FAM117B: variants seen among roughly 807,000 people sequenced by gnomAD.
The protein encoded by FAM117B is protein FAM117B.
FAM117B carries 22 observed loss-of-function variants against 52.8 expected under a neutral mutation model. That is an observed-to-expected ratio of 0.42 (90% CI 0.30 to 0.59). The LOEUF is 0.59. Ranked by LOEUF, FAM117B falls within the 20% of genes least tolerant of loss-of-function variation. The probability of loss-of-function intolerance (pLI) is 0.22; values close to 1 mark genes in which losing one functional copy is unlikely to be tolerated. For missense variants in FAM117B, 678 were observed against 802.6 expected, an observed-to-expected ratio of 0.84 and a Z score of 1.88; for synonymous variants, 309 against 324.1, an observed-to-expected ratio of 0.95 and a Z score of 0.50.
Position 202,765,536 on chromosome 2 carries a change from C to T in FAM117B, c.1542C>T (p.Leu514=), listed in dbSNP as rs938931875. Residue 514 remains leucine (L), a synonymous_variant, in exon 8 of 8, where the codon CTC becomes CTT. Coordinates refer to ENST00000392238, the MANE Select transcript of FAM117B (RefSeq NM_173511.4). Reference sequence around the variant, plus strand: ...CTAAAAGTGGATCTGCTTTCTGCCTCGTCAGCATCCTCAAGCCACTCCTTC... The same window carrying T: ...CTAAAAGTGGATCTGCTTTCTGCCTTGTCAGCATCCTCAAGCCACTCCTTC... ...FIPKSGSAFC[L]VSILKPLLPT... 2.5e-6 allele frequency: 4 copies of T among 1,614,098 alleles called. No individual in the cohort carries two copies. Among genetic ancestry groups the T allele is most frequent in the Middle Eastern group, 1.6e-4 (1 of 6,062 alleles).
chr2:202,730,346 G>A lies in FAM117B; in HGVS notation c.960+3983G>A, dbSNP rs1003049957. The stretch of plus-strand genomic sequence containing the variant: ...ATATTTGAGAAAAATAGAGATGAAA[G>A]TTAAGGATGATGTCAATTTTAACTT... On this transcript the variant is annotated intron_variant, in intron 4 of 7. Transcript: ENST00000392238. 3.9e-5 allele frequency among the ~76,000 whole-genome samples: 6 copies of A among 152,086 alleles called. No individual in the cohort carries two copies. In the East Asian group the frequency reaches 9.6e-4, roughly 24 times the overall value.
In FAM117B at chr2:202,673,893, A is replaced by T. The variant is rs59286724; in HGVS notation, c.602-21988A>T. Among the ~76,000 whole-genome samples, 703 of 152,280 alleles carry T rather than the reference A, an allele frequency of 4.6e-3. 5 individuals carry two copies. The highest frequency in any genetic ancestry group is 0.016 in the African/African-American group (678 of 41,552). On this transcript the variant is annotated intron_variant, in intron 1 of 7. Coordinates refer to ENST00000392238, the MANE Select transcript of FAM117B (RefSeq NM_173511.4). ...GATGACTTTATTGAAATGGCTCTTG[A>T]ACGAGGTTACAGTGTCTTCTACATG...
intron 1 of FAM117B, among the ~76,000 whole-genome samples, chr2:202,682,140 C>T (rs1371953992): frequency 6.6e-6 from 1 of 152,202 alleles, no homozygotes; most frequent in Non-Finnish European, 1.5e-5. Flanking sequence ...ACACTGAGAG[C>T]CACTTTCATC....
chr2:202,676,375 G>GTTTTTTTTTTTTTT (rs71030983), intron 1 of FAM117B, among the ~76,000 whole-genome samples: 1 of 130,936 alleles, frequency 7.6e-6, no homozygotes. Flanking sequence ...AATATTCCTT[G>GTTTTTTTTTTTTTT]TTTTTTTTTT....
intron 1 of FAM117B, among the ~76,000 whole-genome samples, chr2:202,668,677 G>A (rs1257313797): frequency 2.0e-5 from 3 of 151,528 alleles, no homozygotes; most frequent in Non-Finnish European, 2.9e-5. Flanking sequence ...TTTCTAAAGT[G>A]TGGTATAGGA....
intron 7 of FAM117B, among the ~76,000 whole-genome samples, chr2:202,760,341 G>A (rs550453331): frequency 6.6e-6 from 1 of 152,340 alleles, no homozygotes; most frequent in South Asian, 2.1e-4. Flanking sequence ...AGCAGCGTGG[G>A]AAGGCTAGGT....
chr2:202,745,561 T>C (rs2105795241), intron 4 of FAM117B, among the ~76,000 whole-genome samples: 1 of 151,944 alleles, frequency 6.6e-6, no homozygotes, highest in Admixed American at 6.6e-5. Context: ...TACAAAACAA[T>C]CAAAAAAACA....
At chr2:202,660,745 T>C (rs992549537) in intron 1 of FAM117B, among the ~76,000 whole-genome samples, 4 of 152,214 alleles carry the variant, frequency 2.6e-5, no homozygotes, top group Non-Finnish European at 4.4e-5. Context: ...TAGACCAAGA[T>C]GGTGACAGAG....
intron 2 of FAM117B, among the ~76,000 whole-genome samples, chr2:202,709,864 C>T (rs1690932094): frequency 6.6e-6 from 1 of 152,120 alleles, no homozygotes; most frequent in East Asian, 1.9e-4. Context: ...TGAGGATATT[C>T]AGTTTCCCCA....
intron 4 of FAM117B, among the ~76,000 whole-genome samples, chr2:202,736,059 G>A (rs1691433937): frequency 6.6e-6 from 1 of 152,142 alleles, no homozygotes; most frequent in African/African-American, 2.4e-5. Flanking sequence ...AGCCTAGGAG[G>A]GTTTGAGAGC....
At chr2:202,669,646 T>C (rs1265651029) in intron 1 of FAM117B, among the ~76,000 whole-genome samples, 1 of 152,216 alleles carries the variant, frequency 6.6e-6, no homozygotes, top group Non-Finnish European at 1.5e-5. Flanking sequence ...TTTCACATTG[T>C]TTCAAGTGGG....
intron 2 of FAM117B, among the ~76,000 whole-genome samples, chr2:202,697,491 G>C (rs1690729773): frequency 6.6e-6 from 1 of 151,722 alleles, no homozygotes; most frequent in African/African-American, 2.4e-5. Flanking sequence ...TCTTGATTTA[G>C]ACTTCAGATT....
At chr2:202,639,514 G>A (rs936032173) in intron 1 of FAM117B, among the ~76,000 whole-genome samples, 3 of 152,158 alleles carry the variant, frequency 2.0e-5, no homozygotes, top group African/African-American at 7.2e-5. Flanking sequence ...TTATTTTTGT[G>A]CCTTCTCTCC....
At chr2:202,689,387 G>C (rs1056825163) in intron 1 of FAM117B, among the ~76,000 whole-genome samples, 4 of 152,086 alleles carry the variant, frequency 2.6e-5, no homozygotes, top group Non-Finnish European at 5.9e-5. Context: ...AGGTTGCAGT[G>C]AGCCGAGATC....
At chr2:202,723,428 A>G (rs192233269) in intron 2 of FAM117B, among the ~76,000 whole-genome samples, 17 of 152,240 alleles carry the variant, frequency 1.1e-4, no homozygotes, top group Admixed American at 9.2e-4. Flanking sequence ...ACTGGTACCA[A>G]TTTTCTTTGT....
intron 1 of FAM117B, among the ~76,000 whole-genome samples, chr2:202,668,925 T>G (rs1690250928): frequency 6.6e-6 from 1 of 152,188 alleles, no homozygotes; most frequent in South Asian, 2.1e-4. Flanking sequence ...TTTTAAAGTC[T>G]TCTCACAGTG....
rs367730290 is a variant in FAM117B at position 202,766,063 on chromosome 2, C to A, written c.*299C>A. ...GTTTTCGAATTAGACTTCTTTAAAA[C>A]ACACACACACACACACACACACACA... On this transcript the variant is annotated 3_prime_UTR_variant, in exon 8 of 8. Transcript: ENST00000392238. 2.0e-5 allele frequency: 1 copy of A among 49,434 alleles called. No individual in the cohort carries two copies. The highest frequency in any genetic ancestry group is 2.0e-4 in the African/African-American group (1 of 4,972). The allele number at this position is 49,434 out of a possible 1,614,324, so 3.1% of individuals were successfully genotyped here.
chr2:202,755,374 T>C (rs1691785632), intron 4 of FAM117B, among the ~76,000 whole-genome samples, 164 bp from the exon 5 acceptor site: 3 of 152,348 alleles, frequency 2.0e-5, no homozygotes, highest in Middle Eastern at 3.4e-3. Context: ...GGTTTTAAAT[T>C]ATATTTCATA....
intron 1 of FAM117B, among the ~76,000 whole-genome samples, chr2:202,671,637 G>T (rs1690300054): frequency 6.6e-6 from 1 of 152,348 alleles, no homozygotes; most frequent in South Asian, 2.1e-4. Flanking sequence ...GATAGATTCA[G>T]CTATGAATGG....
Sources: gnomAD v4.1 joint callset for allele counts (sites outside exome capture counted in the v4.1 genomes callset) on GRCh38, gnomAD v4.1.1 for gene constraint, MANE v1.5 for transcripts, NCBI Gene and HGNC (gene_info 2026-07-23, HGNC 2026-07-21) for gene names.